The following NELL1 variants were observed in gnomAD, a reference collection of about 807,000 sequenced individuals.
The protein encoded by NELL1 is neural EGFL like 1, also known as protein kinase C-binding protein NELL1.
NELL1 carries 76 observed loss-of-function variants against 107.4 expected under a neutral mutation model. The ratio of observed to expected loss-of-function variants is 0.71; its 90% CI spans 0.59 to 0.86. The LOEUF (loss-of-function observed/expected upper bound fraction) is 0.86, where lower values mean the gene tolerates loss of function less well. Ranked by LOEUF, NELL1 falls within the 40% of genes least tolerant of loss-of-function variation. The pLI is 0.00. For synonymous variants in NELL1, 353 were observed against 341.2 expected, an observed-to-expected ratio of 1.03 and a Z score of -0.38; for missense variants, 1,024 against 1,005.5, an observed-to-expected ratio of 1.02 and a Z score of -0.25.
chr11:21,141,794 G>T (rs908230877), intron 13 of NELL1, among the ~76,000 whole-genome samples: 38 of 150,694 alleles, frequency 2.5e-4, no homozygotes, highest in African/African-American at 8.1e-4. Flanking sequence ...GTGGAGTTTT[G>T]CTCCTGTCGC....
At chr11:20,795,006 A>G (rs1336899369) in intron 3 of NELL1, among the ~76,000 whole-genome samples, 5 of 152,198 alleles carry the variant, frequency 3.3e-5, no homozygotes, top group African/African-American at 1.2e-4. Context: ...TGTTTTGGAA[A>G]TCACTGTTTC....
At chr11:21,136,251 G>A (rs1855741978) in intron 13 of NELL1, among the ~76,000 whole-genome samples, 1 of 151,968 alleles carries the variant, frequency 6.6e-6, no homozygotes, top group Non-Finnish European at 1.5e-5. Flanking sequence ...AGCTTGGTAT[G>A]TGTGAGGAAA....
chr11:21,011,787 G>T (rs1852452193), intron 12 of NELL1, among the ~76,000 whole-genome samples: 1 of 152,096 alleles, frequency 6.6e-6, no homozygotes, highest in South Asian at 2.1e-4. Context: ...CTTTTCCACA[G>T]GCCTGTGAGC....
chr11:20,831,570 G>A (rs532075081), intron 3 of NELL1, among the ~76,000 whole-genome samples: 8 of 152,278 alleles, frequency 5.3e-5, no homozygotes, highest in Admixed American at 4.6e-4. Context: ...AAGCCCACTA[G>A]TTGTTTTGGA....
intron 16 of NELL1, among the ~76,000 whole-genome samples, chr11:21,540,842 C>A (rs11026130): frequency 0.34 from 51,549 of 151,888 alleles, 10,632 homozygotes; most frequent in Non-Finnish European, 0.47. Context: ...CAAACCATAT[C>A]ACTGGCTTAT....
At chr11:21,187,772 C>A (rs1856965965) in intron 13 of NELL1, among the ~76,000 whole-genome samples, 1 of 151,822 alleles carries the variant, frequency 6.6e-6, no homozygotes, top group Non-Finnish European at 1.5e-5. Flanking sequence ...ACCCAATTTT[C>A]AGATTAAAAA....
chr11:20,732,386 C>A (rs943040892), intron 2 of NELL1, among the ~76,000 whole-genome samples: 1 of 152,046 alleles, frequency 6.6e-6, no homozygotes, highest in Admixed American at 6.5e-5. Context: ...GATTTTTGTC[C>A]TTTTGTTCTG....
chr11:21,214,000 G>T, intron 13 of NELL1, among the ~76,000 whole-genome samples: 1 of 152,082 alleles, frequency 6.6e-6, no homozygotes, highest in East Asian at 1.9e-4. Flanking sequence ...TAAAACTTTT[G>T]CATTGTGAAA....
chr11:21,540,407 TA>T (rs1856261866), intron 16 of NELL1, among the ~76,000 whole-genome samples: 1 of 152,128 alleles, frequency 6.6e-6, no homozygotes, highest in Non-Finnish European at 1.5e-5. Context: ...TCAATTTTTT[TA>T]GCTCCTACAC....
chr11:21,232,906 G>A (rs1430072168), intron 14 of NELL1, among the ~76,000 whole-genome samples: 1 of 152,148 alleles, frequency 6.6e-6, no homozygotes, highest in Non-Finnish European at 1.5e-5. Context: ...GCCTGCTTCA[G>A]CCTCCCAAAC....
intron 2 of NELL1, among the ~76,000 whole-genome samples, chr11:20,728,530 G>T (rs534862254): frequency 6.6e-6 from 1 of 151,708 alleles, no homozygotes; most frequent in Non-Finnish European, 1.5e-5. Flanking sequence ...CATGTGGCTA[G>T]TCAGCTATCT....
intron 11 of NELL1, among the ~76,000 whole-genome samples, 167 bp downstream of exon 11, chr11:20,947,602 A>G (rs1590450483): frequency 6.6e-6 from 1 of 152,324 alleles, no homozygotes; most frequent in East Asian, 1.9e-4. Flanking sequence ...AGTCTCCTCA[A>G]TTATAAAATG....
At chr11:20,783,166 A>T (rs1856884302) in intron 2 of NELL1, among the ~76,000 whole-genome samples, 2 of 152,210 alleles carry the variant, frequency 1.3e-5, no homozygotes, top group African/African-American at 4.8e-5. Flanking sequence ...GGTTTCCTAT[A>T]TCCATTGTGG....
chr11:20,778,485 C>CA (rs1271851232), intron 2 of NELL1, among the ~76,000 whole-genome samples: 3 of 149,148 alleles, frequency 2.0e-5, no homozygotes, highest in African/African-American at 7.5e-5. Flanking sequence ...CAATCTCCTC[C>CA]CTTCACCCAG....
intron 15 of NELL1, among the ~76,000 whole-genome samples, chr11:21,507,581 C>A (rs1855313670): frequency 6.6e-6 from 1 of 151,720 alleles, no homozygotes; most frequent in Non-Finnish European, 1.5e-5. Flanking sequence ...TTTTGAGGTA[C>A]CTTAAATATT....
intron 13 of NELL1, among the ~76,000 whole-genome samples, chr11:21,190,994 G>C (rs1857037716): frequency 6.6e-6 from 1 of 151,848 alleles, no homozygotes; most frequent in East Asian, 1.9e-4. Context: ...CAGTGTAATA[G>C]GGTGGTTTGA....
At chr11:21,560,466 TTG>T (rs1436614694) in intron 17 of NELL1, 84 bp downstream of exon 17, 1 of 1,249,288 alleles carries the variant, frequency 8.0e-7, no homozygotes, top group African/African-American at 1.5e-5. Flanking sequence ...TCTCTCCCTC[TTG>T]CTGTTGACTG....
intron 2 of NELL1, among the ~76,000 whole-genome samples, chr11:20,728,725 G>A (rs1257953468): frequency 2.0e-5 from 3 of 151,944 alleles, no homozygotes; most frequent in Non-Finnish European, 4.4e-5. Flanking sequence ...CTCATAGTTT[G>A]AAGTGAGGTA....
intron 2 of NELL1, among the ~76,000 whole-genome samples, chr11:20,705,870 C>A (rs564825323): frequency 1.7e-4 from 26 of 152,136 alleles, no homozygotes; most frequent in African/African-American, 6.0e-4. Flanking sequence ...TGAACAGACA[C>A]TTCTCATAAG....
Sources: gnomAD v4.1 joint callset for allele counts (sites outside exome capture counted in the v4.1 genomes callset) on GRCh38, gnomAD v4.1.1 for gene constraint, MANE v1.5 for transcripts, NCBI Gene and HGNC (gene_info 2026-07-23, HGNC 2026-07-21) for gene names.